MAF: variants seen among roughly 807,000 people sequenced by gnomAD.
The protein encoded by MAF is MAF bZIP transcription factor.
Under a neutral mutation model 22.0 loss-of-function variants are expected in MAF, and 10 were observed. The ratio of observed to expected loss-of-function variants is 0.45; its 90% CI spans 0.28 to 0.77. The LOEUF is 0.77. Ranked by LOEUF, MAF falls within the 30% of genes least tolerant of loss-of-function variation. MAF has a pLI of 0.12. For synonymous variants in MAF, 337 were observed against 255.8 expected (o/e 1.32, Z -3.03); for missense variants, 544 against 548.4 (o/e 0.99, Z 0.08).
the MAF span, among the ~76,000 whole-genome samples, chr16:79,245,161 A>C: frequency 6.6e-6 from 1 of 152,018 alleles, no homozygotes; most frequent in Non-Finnish European, 1.5e-5. Context: ...GCACGGGCGA[A>C]GACTTCATGA....
the MAF span, among the ~76,000 whole-genome samples, chr16:79,245,048 C>T: frequency 2.0e-5 from 3 of 152,054 alleles, no homozygotes; most frequent in Non-Finnish European, 4.4e-5. Context: ...CTTCCTTACA[C>T]TCTATACAAA....
At chr16:79,514,315 T>C in the MAF span, among the ~76,000 whole-genome samples, 1 of 152,250 alleles carries the variant, frequency 6.6e-6, no homozygotes, top group Non-Finnish European at 1.5e-5. Context: ...TAAAAATTGA[T>C]TGCTGGGTTT....
the MAF span, among the ~76,000 whole-genome samples, chr16:79,216,887 G>A: frequency 1.3e-5 from 2 of 150,258 alleles, no homozygotes; most frequent in Admixed American, 6.6e-5. Context: ...TTTGCTCACT[G>A]CCACAGCCAC....
At chr16:79,205,947 C>G in the MAF span, 2 of 152,144 alleles carry the variant, frequency 1.3e-5, no homozygotes, top group African/African-American at 4.8e-5. Context: ...TGAAAAAATT[C>G]TATCATCAAA....
chr16:79,293,154 T>A, the MAF span, among the ~76,000 whole-genome samples: 1 of 152,228 alleles, frequency 6.6e-6, no homozygotes, highest in Admixed American at 6.5e-5. Flanking sequence ...TGGCCCTGAG[T>A]TTTCTTGCGT....
the MAF span, among the ~76,000 whole-genome samples, chr16:79,293,521 T>G: frequency 1.3e-5 from 2 of 152,218 alleles, no homozygotes; most frequent in Non-Finnish European, 2.9e-5. Flanking sequence ...TGGAGGTATA[T>G]GCAATGATCA....
At chr16:79,300,545 C>T in the MAF span, among the ~76,000 whole-genome samples, 1 of 146,998 alleles carries the variant, frequency 6.8e-6, no homozygotes, top group Non-Finnish European at 1.5e-5. Context: ...CAGAGCAAGA[C>T]TCCATCTCAA....
At chr16:79,299,347 G>GAAAAAAA in the MAF span, among the ~76,000 whole-genome samples, 1 of 86,840 alleles carries the variant, frequency 1.2e-5, no homozygotes, top group Non-Finnish European at 2.5e-5. Flanking sequence ...CAAAGAAAAA[G>GAAAAAAA]AAAAAAAAAA....
the MAF span, among the ~76,000 whole-genome samples, chr16:79,531,035 C>G: frequency 9.9e-5 from 15 of 152,156 alleles, no homozygotes; most frequent in African/African-American, 3.6e-4. Flanking sequence ...ATTCCCCAAG[C>G]TCTAATTTCC....
intron 1 of MAF, chr16:79,595,467 G>T (rs1196722354): frequency 9.5e-7 from 1 of 1,058,058 alleles, no homozygotes; most frequent in African/African-American, 1.6e-5. Context: ...GTGTTTGGCT[G>T]TATTTTCAAA....
chr16:79,543,827 C>A, the MAF span, among the ~76,000 whole-genome samples: 1 of 152,094 alleles, frequency 6.6e-6, no homozygotes, highest in Non-Finnish European at 1.5e-5. Flanking sequence ...GCTGGGACTA[C>A]AGGCGCCTAC....
the MAF span, among the ~76,000 whole-genome samples, chr16:79,547,234 C>G: frequency 1.3e-5 from 2 of 152,018 alleles, no homozygotes; most frequent in Admixed American, 6.6e-5. Flanking sequence ...CCTACACACA[C>G]TCACATTCCT....
chr16:79,471,692 CA>C, the MAF span, among the ~76,000 whole-genome samples: 30 of 152,128 alleles, frequency 2.0e-4, no homozygotes, highest in African/African-American at 6.0e-4. Context: ...TGCAAACAAA[CA>C]AAAAAACCCA....
the MAF span, among the ~76,000 whole-genome samples, chr16:79,326,520 C>A: frequency 6.6e-6 from 1 of 152,042 alleles, no homozygotes. Context: ...GACGTGAGCA[C>A]GACATTAAAT....
At chr16:79,302,069 C>T in the MAF span, among the ~76,000 whole-genome samples, 1 of 152,362 alleles carries the variant, frequency 6.6e-6, no homozygotes, top group East Asian at 1.9e-4. Flanking sequence ...GCCTGACTCT[C>T]ACCTGCATCC....
At chr16:79,502,718 T>TATATATATAA in the MAF span, among the ~76,000 whole-genome samples, 3 of 18,162 alleles carry the variant, frequency 1.7e-4, no homozygotes, top group Non-Finnish European at 4.6e-4. Flanking sequence ...AATATATATA[T>TATATATATAA]ATATATATAT....
chr16:79,347,564 CT>C, the MAF span, among the ~76,000 whole-genome samples: 3 of 152,202 alleles, frequency 2.0e-5, no homozygotes, highest in African/African-American at 7.2e-5. Flanking sequence ...GAGAAAAGTT[CT>C]TGCGCTTCGC....
At chr16:79,209,523 G>A in the MAF span, among the ~76,000 whole-genome samples, 3 of 152,154 alleles carry the variant, frequency 2.0e-5, no homozygotes, top group African/African-American at 7.2e-5. Context: ...AGGGCGGGAG[G>A]CTGGACTTGA....
chr16:79,578,834 T>C, the MAF span, among the ~76,000 whole-genome samples: 1 of 152,196 alleles, frequency 6.6e-6, no homozygotes, highest in Non-Finnish European at 1.5e-5. Context: ...TACCATGTGT[T>C]TGGAGCTTTA....
Sources: gnomAD v4.1 joint callset for allele counts (sites outside exome capture counted in the v4.1 genomes callset) on GRCh38, gnomAD v4.1.1 for gene constraint, MANE v1.5 for transcripts, NCBI Gene and HGNC (gene_info 2026-07-23, HGNC 2026-07-21) for gene names.